CDH19: variants seen among roughly 807,000 people sequenced by gnomAD.
CDH19 encodes the protein cadherin-19.
CDH19 carries 67 observed loss-of-function variants against 64.2 expected under a neutral mutation model. That is an observed-to-expected ratio of 1.04 (90% confidence interval 0.86 to 1.28). CDH19 has a LOEUF of 1.28. Among genes scored for constraint, CDH19 ranks in the 50% most tolerant of loss-of-function variants. The probability of loss-of-function intolerance (pLI) is 0.00; values close to 1 mark genes in which losing one functional copy is unlikely to be tolerated. For missense variants in CDH19, 1,030 were observed against 929.0 expected, an observed-to-expected ratio of 1.11 and a Z score of -1.41; for synonymous variants, 346 against 319.3, an observed-to-expected ratio of 1.08 and a Z score of -0.89.
At chr18:66,511,163 C>A (rs1456170815) in intron 10 of CDH19, among the ~76,000 whole-genome samples, 5 of 147,682 alleles carry the variant, frequency 3.4e-5, no homozygotes, top group African/African-American at 1.2e-4. Flanking sequence ...TAATTGATGA[C>A]CCTAAATATT....
chr18:66,598,687 T>A (rs1988965248), intron 1 of CDH19, among the ~76,000 whole-genome samples: 1 of 151,854 alleles, frequency 6.6e-6, no homozygotes, highest in South Asian at 2.1e-4. Context: ...TACTTCAGGG[T>A]GGGGTGAGGA....
chr18:66,521,800 C>T (rs1048006402), intron 9 of CDH19, among the ~76,000 whole-genome samples: 2 of 151,976 alleles, frequency 1.3e-5, no homozygotes, highest in Non-Finnish European at 2.9e-5. Context: ...GCTCTTACTT[C>T]GGCCTCCCAA....
chr18:66,549,592 C>A (rs1169695776), intron 5 of CDH19, among the ~76,000 whole-genome samples: 3 of 151,996 alleles, frequency 2.0e-5, no homozygotes, highest in African/African-American at 7.2e-5. Flanking sequence ...ATAGTCCATC[C>A]ACAGAGGAAC....
rs1249686408 is a variant in CDH19, at chr18:66,509,165, G to A, written c.1658C>T (p.Ala553Val). ...EPVFYISILI[A>V]DNGIPSLTST... is the part of the protein sequence containing the mutation. ...TGTAAGTGACGGGATTCCATTGTCG[G>A]CAATTAAGATGGAGATGTAGAAGAC... Residue 553 changes from alanine to valine, a missense_variant, in exon 11 of 12, where the codon GCC becomes GTC. Ala to Val is a moderately conservative substitution (Grantham distance 64). Transcript: ENST00000262150. The A allele has an allele frequency of 1.2e-6, 2 of 1,612,692 alleles. No homozygotes were observed. The highest frequency in any genetic ancestry group is 1.7e-6 in the Non-Finnish European group (2 of 1,179,104).
At chr18:66,519,576 A>G (rs1365965388) in intron 9 of CDH19, among the ~76,000 whole-genome samples, 1 of 152,176 alleles carries the variant, frequency 6.6e-6, no homozygotes, top group Non-Finnish European at 1.5e-5. Context: ...TTTGAATTAC[A>G]TCTCATGGTT....
rs1405702522 is a variant in CDH19 at position 66,502,801 on chromosome 18, A to G, written c.*2011T>C. 6.6e-6 allele frequency: 1 copy of G among 151,816 alleles called. No individual in the cohort carries two copies. The highest frequency in any genetic ancestry group is 2.4e-5 in the African/African-American group (1 of 41,392). 9.4% of individuals were successfully genotyped at this position (151,816 alleles called of 1,614,324 possible). On this transcript the variant is annotated 3_prime_UTR_variant, in exon 12 of 12. Transcript: ENST00000262150. ...TATCATTGCGTTAAGGATTGACTAC[A>G]TCTTATGTCCTCTCATCCACTTTTA... is the stretch of plus-strand genomic sequence containing the variant.
In CDH19 at chr18:66,503,464, A is replaced by AT. The variant is rs1985034303; in HGVS notation, c.*1347dup. 6.6e-6 allele frequency: 1 copy of AT among 151,840 alleles called. No individual in the cohort carries two copies. The highest frequency in any genetic ancestry group is 2.4e-5 in the African/African-American group (1 of 41,424). The allele number at this position is 151,840 out of a possible 1,614,324, so 9.4% of individuals were successfully genotyped here. On this transcript the variant is annotated 3_prime_UTR_variant, in exon 12 of 12. Coordinates refer to ENST00000262150, the MANE Select transcript of CDH19 (RefSeq NM_021153.4). ...GTAAGTCAGTTCAGTTGATCATAAT[A>AT]TTTACAGTGAATAGTAACTGAAGTT...
Position 66,504,722 on chromosome 18 carries a change from C to CGCCATAG in CDH19, c.*83_*89dup. The CGCCATAG allele has an allele frequency of 2.9e-6, 4 of 1,361,090 alleles. No individual in the cohort carries two copies. Among genetic ancestry groups the CGCCATAG allele is most frequent in the Non-Finnish European group, 4.0e-6 (4 of 1,004,186 alleles). 84.3% of individuals were successfully genotyped at this position (1,361,090 alleles called of 1,614,324 possible). A position where few individuals can be genotyped will look rare whatever the true frequency, so the allele number is the denominator to read the frequency against. ...AAACTCCATAGACTAGGGCTTTCCC[C>CGCCATAG]GCCATAGAGCCAGGGCACAAAACTC... On this transcript the variant is annotated 3_prime_UTR_variant, in exon 12 of 12. Transcript: ENST00000262150.
chr18:66,595,388 C>A (rs1988857401), intron 1 of CDH19, among the ~76,000 whole-genome samples: 1 of 150,080 alleles, frequency 6.7e-6, no homozygotes, highest in African/African-American at 2.4e-5. Context: ...TCAACAAAAC[C>A]AAAGTTGTTC....
intron 3 of CDH19, among the ~76,000 whole-genome samples, chr18:66,565,015 TC>T (rs1987857831): frequency 6.6e-6 from 1 of 151,906 alleles, no homozygotes; most frequent in Non-Finnish European, 1.5e-5. Flanking sequence ...TCTATTTATA[TC>T]CTAAACTATT....
intron 1 of CDH19, among the ~76,000 whole-genome samples, chr18:66,591,251 C>A (rs113892078): frequency 0.022 from 3,394 of 151,958 alleles, 58 homozygotes; most frequent in Middle Eastern, 0.044. Flanking sequence ...GTCATATAAA[C>A]ATGAGATTTA....
chr18:66,524,677 G>A (rs1986152458), intron 9 of CDH19, among the ~76,000 whole-genome samples: 1 of 151,528 alleles, frequency 6.6e-6, no homozygotes, highest in South Asian at 2.1e-4. Context: ...AGTGAACTTT[G>A]TTTTGGGTTT....
intron 1 of CDH19, among the ~76,000 whole-genome samples, chr18:66,578,523 G>C (rs1440832352): frequency 6.6e-6 from 1 of 151,836 alleles, no homozygotes; most frequent in African/African-American, 2.4e-5. Flanking sequence ...TACACTGCTA[G>C]TGTGAATGTA....
chr18:66,567,004 T>C (rs753076190), intron 3 of CDH19, among the ~76,000 whole-genome samples: 1 of 151,788 alleles, frequency 6.6e-6, no homozygotes, highest in Non-Finnish European at 1.5e-5. Context: ...ACCTCAAATA[T>C]CACCTCCTAA....
chr18:66,584,618 C>T (rs901956039), intron 1 of CDH19, among the ~76,000 whole-genome samples: 1 of 152,086 alleles, frequency 6.6e-6, no homozygotes, highest in African/African-American at 2.4e-5. Context: ...CATTGCAGCA[C>T]TATTCACAAT....
chr18:66,530,293 A>C (rs1035468225), intron 8 of CDH19, among the ~76,000 whole-genome samples: 26 of 152,084 alleles, frequency 1.7e-4, no homozygotes, highest in African/African-American at 2.4e-5. Context: ...GAACCATTTA[A>C]AGTTTTGTAT....
intron 3 of CDH19, among the ~76,000 whole-genome samples, chr18:66,561,914 A>T (rs1987737438): frequency 6.6e-6 from 1 of 152,082 alleles, no homozygotes; most frequent in Non-Finnish European, 1.5e-5. Context: ...TTGCAAATTT[A>T]AAATATTAAT....
Position 66,502,687 on chromosome 18 carries a change from T to C in CDH19, c.*2125A>G, listed in dbSNP as rs756372502. ...CAATGTGATAGAAATGTAAATGTTCTCTCGATTTGTGCATTTCTATTTGAC... is the reference window on the plus strand; with the variant it reads ...CAATGTGATAGAAATGTAAATGTTCCCTCGATTTGTGCATTTCTATTTGAC... On this transcript the variant is annotated 3_prime_UTR_variant, in exon 12 of 12. Transcript: ENST00000262150. The C allele has an allele frequency of 1.3e-5, 2 of 151,968 alleles. No individual in the cohort carries two copies. Among genetic ancestry groups the C allele is most frequent in the African/African-American group, 2.4e-5 (1 of 41,448 alleles). 9.4% of individuals were successfully genotyped at this position (151,968 alleles called of 1,614,324 possible). A position where few individuals can be genotyped will look rare whatever the true frequency, so the allele number is the denominator to read the frequency against.
At chr18:66,580,537 A>T (rs1411953216) in intron 1 of CDH19, among the ~76,000 whole-genome samples, 1 of 152,074 alleles carries the variant, frequency 6.6e-6, no homozygotes, top group African/African-American at 2.4e-5. Context: ...AATAAGTGAA[A>T]TTTGTCTAAA....
Sources: allele counts gnomAD v4.1 joint callset (sites outside exome capture counted in the v4.1 genomes callset), GRCh38; gene constraint gnomAD v4.1.1; transcripts MANE v1.5; gene names NCBI Gene and HGNC (gene_info 2026-07-23, HGNC 2026-07-21).